The following HORMAD2 variants were observed in gnomAD, a reference collection of about 807,000 sequenced individuals.
HORMAD2 encodes the protein HORMA domain containing 2, also known as HORMA domain-containing protein 2.
A neutral mutation model predicts 38.8 loss-of-function variants in HORMAD2; 45 were observed. The ratio of observed to expected loss-of-function variants is 1.16; its 90% CI spans 0.91 to 1.49. HORMAD2 has a LOEUF of 1.49. HORMAD2 is among the 40% of genes most tolerant of loss of function. The pLI is 0.00. For missense variants in HORMAD2, 338 were observed against 367.0 expected, an observed-to-expected ratio of 0.92 and a Z score of 0.65; for synonymous variants, 126 against 122.8, an observed-to-expected ratio of 1.03 and a Z score of -0.17.
At position 30,144,576 on chromosome 22, in the gene HORMAD2, A is replaced by C. The variant is rs558898534; in HGVS notation, c.819+22362A>C. On this transcript the variant is annotated intron_variant, in intron 10 of 10. Coordinates refer to ENST00000336726, the MANE Select transcript of HORMAD2 (RefSeq NM_152510.4). ...AGCTCTGGAGCTAGGTACGGGGACA[A>C]CGGTGTGCTTATCTCTCAGTGACAT... is the stretch of plus-strand genomic sequence containing the variant. Among the ~76,000 whole-genome samples, 6 of 152,310 alleles carry C rather than the reference A, an allele frequency of 3.9e-5. No individual in the cohort carries two copies. The East Asian group carries it at 1.2e-3, about 29-fold the overall frequency.
At chr22:30,174,110 A>G (rs1926285029) in intron 10 of HORMAD2, among the ~76,000 whole-genome samples, 1 of 152,232 alleles carries the variant, frequency 6.6e-6, no homozygotes, top group Non-Finnish European at 1.5e-5. Flanking sequence ...TAAACAGATC[A>G]TAGTAGCGTC....
At chr22:30,123,789 G>T (rs746321291) in intron 10 of HORMAD2, among the ~76,000 whole-genome samples, 1 of 151,620 alleles carries the variant, frequency 6.6e-6, no homozygotes, top group Non-Finnish European at 1.5e-5. Flanking sequence ...TTTCAGCTCA[G>T]CCTCCAGTGT....
At chr22:30,128,363 T>C (rs1056700310) in intron 10 of HORMAD2, among the ~76,000 whole-genome samples, 1 of 152,210 alleles carries the variant, frequency 6.6e-6, no homozygotes, top group Non-Finnish European at 1.5e-5. Context: ...TCATGGTATA[T>C]GTGAATTTAT....
Position 30,121,975 on chromosome 22 carries a change from G to A in HORMAD2, c.580G>A (p.Asp194Asn). The A allele has an allele frequency of 6.2e-7, 1 of 1,610,902 alleles. No individual in the cohort carries two copies. The highest frequency in any genetic ancestry group is 8.5e-7 in the Non-Finnish European group (1 of 1,178,480). Residue 194 changes from aspartate (D) to asparagine (N), a missense_variant, in exon 10 of 11, where the codon GAT becomes AAT. Physicochemically the swap from Asp to Asn is conservative, Grantham distance 23. Transcript: ENST00000336726. ...LHYYNAVTPH[D>N]YQPLGFKEGV... is the part of the protein sequence containing the mutation. The stretch of plus-strand genomic sequence containing the variant: ...TTTTCATTTCGCAGTGACCCCACAT[G>A]ATTACCAACCCCTCGGTTTTAAAGA...
chr22:30,162,769 C>T (rs1213402009), intron 10 of HORMAD2, among the ~76,000 whole-genome samples: 1 of 144,976 alleles, frequency 6.9e-6, no homozygotes, highest in African/African-American at 2.6e-5. Flanking sequence ...GTGGCGCAAT[C>T]TCGGCTCACT....
intron 10 of HORMAD2, among the ~76,000 whole-genome samples, chr22:30,156,812 C>T (rs375074499): frequency 6.6e-5 from 10 of 152,176 alleles, no homozygotes; most frequent in African/African-American, 2.2e-4. Flanking sequence ...AGAGTCAGGG[C>T]GTTGTCATCA....
chr22:30,201,938 C>A, the HORMAD2 span, among the ~76,000 whole-genome samples: 1 of 152,166 alleles, frequency 6.6e-6, no homozygotes, highest in South Asian at 2.1e-4. Context: ...CAGCTTGGAT[C>A]CAGGCTTTTG....
At position 30,166,497 on chromosome 22, in the gene HORMAD2, T is replaced by C. The variant is rs568684611; in HGVS notation, c.820-9566T>C. 9.2e-5 allele frequency among the ~76,000 whole-genome samples: 14 copies of C among 152,338 alleles called. No homozygotes were observed. In the South Asian group the frequency reaches 1.4e-3, roughly 16 times the overall value. On this transcript the variant is annotated intron_variant, in intron 10 of 10. Coordinates refer to ENST00000336726, the MANE Select transcript of HORMAD2 (RefSeq NM_152510.4). ...GGCCACATGTAGCTAATAGCTATCA[T>C]ATTAGACAGTACGGCTTTTGAATGT... is the stretch of plus-strand genomic sequence containing the variant.
At chr22:30,110,336 T>G (rs1231764453) in intron 5 of HORMAD2, among the ~76,000 whole-genome samples, 2 of 151,156 alleles carry the variant, frequency 1.3e-5, no homozygotes, top group African/African-American at 4.9e-5. Context: ...ATCTAGGAAA[T>G]TCCCCTTTAT....
chr22:30,134,384 T>C (rs1923504333), intron 10 of HORMAD2, among the ~76,000 whole-genome samples: 1 of 144,758 alleles, frequency 6.9e-6, no homozygotes, highest in Non-Finnish European at 1.5e-5. Flanking sequence ...ATAATATATA[T>C]GATTATATAT....
chr22:30,116,959 T>A (rs1470533216), intron 7 of HORMAD2, among the ~76,000 whole-genome samples: 1 of 152,188 alleles, frequency 6.6e-6, no homozygotes. Context: ...CTATCTGGAG[T>A]GAACCTGTTG....
At chr22:30,186,833 T>C in the HORMAD2 span, among the ~76,000 whole-genome samples, 2 of 151,388 alleles carry the variant, frequency 1.3e-5, no homozygotes, top group African/African-American at 4.8e-5. Context: ...ATTAATCAAA[T>C]TGCGATAGTA....
At chr22:30,187,541 T>A in the HORMAD2 span, among the ~76,000 whole-genome samples, 2 of 151,202 alleles carry the variant, frequency 1.3e-5, no homozygotes, top group South Asian at 4.2e-4. Flanking sequence ...GTGTATTTTT[T>A]TCCGTTTTTT....
chr22:30,126,781 G>A (rs1922899772), intron 10 of HORMAD2, among the ~76,000 whole-genome samples: 1 of 152,154 alleles, frequency 6.6e-6, no homozygotes, highest in Non-Finnish European at 1.5e-5. Context: ...CAAAGTATTT[G>A]TGCCAATTTA....
chr22:30,120,151 T>C (rs16988304), intron 8 of HORMAD2, among the ~76,000 whole-genome samples: 11,847 of 152,236 alleles, frequency 0.078, 541 homozygotes, highest in African/African-American at 0.092. Context: ...GGCCAAATCT[T>C]TCACATGCTA....
At chr22:30,127,554 G>C (rs1652376866) in intron 10 of HORMAD2, among the ~76,000 whole-genome samples, 1 of 152,132 alleles carries the variant, frequency 6.6e-6, no homozygotes, top group Non-Finnish European at 1.5e-5. Flanking sequence ...TGTTGCCCAG[G>C]CTGGTCTCAA....
the HORMAD2 span, chr22:30,206,891 C>T: frequency 2.9e-6 from 1 of 344,080 alleles, no homozygotes; most frequent in Middle Eastern, 5.8e-4. Flanking sequence ...GCCACCACTT[C>T]CTGGCACCTC....
chr22:30,150,244 C>G (rs1458936271), intron 10 of HORMAD2, among the ~76,000 whole-genome samples: 2 of 151,996 alleles, frequency 1.3e-5, no homozygotes, highest in East Asian at 3.9e-4. Context: ...ATGTTTATGC[C>G]TTTGTTGTGT....
chr22:30,165,346 C>T (rs1369512137), intron 10 of HORMAD2, among the ~76,000 whole-genome samples: 4 of 152,126 alleles, frequency 2.6e-5, no homozygotes, highest in African/African-American at 4.8e-5. Context: ...TGTGAGACCT[C>T]CAACTTTGTT....
Sources: allele counts gnomAD v4.1 joint callset (sites outside exome capture counted in the v4.1 genomes callset), GRCh38; gene constraint gnomAD v4.1.1; transcripts MANE v1.5; gene names NCBI Gene and HGNC (gene_info 2026-07-23, HGNC 2026-07-21).